NUDT4: variants seen among roughly 807,000 people sequenced by gnomAD.
NUDT4 encodes nudix hydrolase 4.
A neutral mutation model predicts 23.1 loss-of-function variants in NUDT4; 5 were observed. That is an observed-to-expected ratio of 0.22 (90% CI 0.11 to 0.46). NUDT4 has a LOEUF of 0.46. Ranked by LOEUF, NUDT4 falls within the 20% of genes least tolerant of loss-of-function variation. The probability of loss-of-function intolerance (pLI) is 0.99; values close to 1 mark genes in which losing one functional copy is unlikely to be tolerated. For missense variants in NUDT4, 96 were observed against 211.6 expected (o/e 0.45, Z 3.39); for synonymous variants, 50 against 79.0 (o/e 0.63, Z 1.95).
Position 93,402,416 on chromosome 12 carries a change from A to C in NUDT4, c.*3037A>C, listed in dbSNP as rs11558758. ...AGCGGAAACGTATACCTTTCAGTGC[A>C]TAGTGCATTGTGTGCTTACCCTGGG... On this transcript the variant is annotated 3_prime_UTR_variant, in exon 5 of 5. Transcript: ENST00000415493. 2.0e-5 allele frequency: 3 copies of C among 152,134 alleles called. No individual in the cohort carries two copies. The highest frequency in any genetic ancestry group is 4.4e-5 in the Non-Finnish European group (3 of 68,036). 9.4% of individuals were successfully genotyped at this position (152,134 alleles called of 1,614,324 possible). A position where few individuals can be genotyped will look rare whatever the true frequency, so the allele number is the denominator to read the frequency against.
intron 3 of NUDT4, among the ~76,000 whole-genome samples, chr12:93,398,359 AGAAAAGAAC>A (rs1347451851): frequency 4.3e-5 from 6 of 138,390 alleles, no homozygotes; most frequent in Admixed American, 1.4e-4. Flanking sequence ...AAAAAAAAAA[AGAAAAGAAC>A]ATCAGATATA....
At chr12:93,379,783 A>C (rs1442115963) in intron 1 of NUDT4, among the ~76,000 whole-genome samples, 1 of 152,238 alleles carries the variant, frequency 6.6e-6, no homozygotes, top group East Asian at 1.9e-4. Flanking sequence ...ACAAGCATTA[A>C]GTGTGTTCTG....
At chr12:93,384,079 C>T (rs1002132361) in intron 1 of NUDT4, among the ~76,000 whole-genome samples, 9 of 152,118 alleles carry the variant, frequency 5.9e-5, no homozygotes, top group African/African-American at 9.7e-5. Flanking sequence ...GGCATAAATG[C>T]ATTACATAGC....
intron 1 of NUDT4, among the ~76,000 whole-genome samples, chr12:93,379,537 C>T (rs531702150): frequency 1.4e-4 from 22 of 152,262 alleles, no homozygotes; most frequent in Non-Finnish European, 2.8e-4. Context: ...GTTATGTTAA[C>T]GAAAAGTTCT....
At position 93,378,266 on chromosome 12, in the gene NUDT4, G is replaced by C; in HGVS notation, c.-57G>C. On this transcript the variant is annotated 5_prime_UTR_variant, in exon 1 of 5. Coordinates refer to ENST00000415493, the MANE Select transcript of NUDT4 (RefSeq NM_019094.6). ...CCCACTCCCCGGCGGGGTGGCGGCGGCCGGGCCCCCACGGCGGCGGCCGGA... is the reference window on the plus strand; with the variant it reads ...CCCACTCCCCGGCGGGGTGGCGGCGCCCGGGCCCCCACGGCGGCGGCCGGA... 1.5e-6 allele frequency: 1 copy of C among 673,890 alleles called. No homozygotes were observed. The allele number at this position is 673,890 out of a possible 1,614,324, so 41.7% of individuals were successfully genotyped here.
chr12:93,384,361 G>A (rs1313503820), intron 1 of NUDT4, among the ~76,000 whole-genome samples: 7 of 152,036 alleles, frequency 4.6e-5, no homozygotes, highest in East Asian at 1.9e-4. Context: ...TAGAGACGGC[G>A]TTTCACTATG....
In NUDT4 at chr12:93,406,809, T is replaced by C. The variant is rs1027332964; in HGVS notation, c.*7430T>C. 4 of 152,196 alleles carry C rather than the reference T, an allele frequency of 2.6e-5. No individual in the cohort carries two copies. The highest frequency in any genetic ancestry group is 9.7e-5 in the African/African-American group (4 of 41,446). The allele number at this position is 152,196 out of a possible 1,614,324, so 9.4% of individuals were successfully genotyped here. A position where few individuals can be genotyped will look rare whatever the true frequency, so the allele number is the denominator to read the frequency against. On this transcript the variant is annotated 3_prime_UTR_variant, in exon 5 of 5. Coordinates refer to ENST00000415493, the MANE Select transcript of NUDT4 (RefSeq NM_019094.6). ...AGACTTGAGCATCTGCGAATTTGGA[T>C]ATCCAAAGGAAGTCCTAGAACCAGT...
intron 2 of NUDT4, 131 bp from the exon 3 acceptor site, chr12:93,395,358 A>C (rs1592726063): frequency 2.9e-6 from 2 of 693,898 alleles, no homozygotes; most frequent in East Asian, 5.5e-5. Flanking sequence ...AGAAGCAGGA[A>C]GATAGTGAGT....
chr12:93,395,879 C>T (rs1484097587), intron 3 of NUDT4, among the ~76,000 whole-genome samples: 1 of 152,176 alleles, frequency 6.6e-6, no homozygotes, highest in Non-Finnish European at 1.5e-5. Flanking sequence ...CGCCACCACG[C>T]CCAGCTAAGT....
In NUDT4 at chr12:93,387,755, A is replaced by G. The variant is rs1047932345; in HGVS notation, c.100-6854A>G. ...CAGGTGATCACAGGATGGCCTAGCT[A>G]TCACACTAGTTGGCCTTAAGTTAAA... On this transcript the variant is annotated intron_variant, in intron 1 of 4. Coordinates refer to ENST00000415493, the MANE Select transcript of NUDT4 (RefSeq NM_019094.6). Among the ~76,000 whole-genome samples the G allele has an allele frequency of 1.2e-4, 19 of 152,316 alleles. No individual in the cohort carries two copies. In the South Asian group the frequency reaches 2.3e-3, roughly 18 times the overall value.
Position 93,404,729 on chromosome 12 carries a change from T to TA in NUDT4, c.*5351dup, listed in dbSNP as rs1555195738. On this transcript the variant is annotated 3_prime_UTR_variant, in exon 5 of 5. Transcript: ENST00000415493. ...TGTATTGGCATACACTGAAAAAGCT[T>TA]AGTCACTTAAAATGAGGTTGTACAG... The TA allele has an allele frequency of 6.6e-6, 1 of 152,170 alleles. No homozygotes were observed. The highest frequency in any genetic ancestry group is 1.5e-5 in the Non-Finnish European group (1 of 68,038). 9.4% of individuals were successfully genotyped at this position (152,170 alleles called of 1,614,324 possible). A position where few individuals can be genotyped will look rare whatever the true frequency, so the allele number is the denominator to read the frequency against.
rs1377953637 is a variant in NUDT4 at position 93,406,348 on chromosome 12, C to CATTTCCTCG, written c.*6972_*6980dup. On this transcript the variant is annotated 3_prime_UTR_variant, in exon 5 of 5. Coordinates refer to ENST00000415493, the MANE Select transcript of NUDT4 (RefSeq NM_019094.6). ...ACAGAAAAATGAGGCCTATTCCTAT[C>CATTTCCTCG]ATTTCCTCGATCCAATTTAGTTCCA... 2 of 139,032 alleles carry CATTTCCTCG rather than the reference C, an allele frequency of 1.4e-5. No homozygotes were observed. Among genetic ancestry groups the CATTTCCTCG allele is most frequent in the Non-Finnish European group, 3.1e-5 (2 of 65,404 alleles). The allele number at this position is 139,032 out of a possible 1,614,324, so 8.6% of individuals were successfully genotyped here.
chr12:93,398,338 CAAAAAAAAAAA>C (rs34651915), intron 3 of NUDT4, among the ~76,000 whole-genome samples: 2 of 75,312 alleles, frequency 2.7e-5, no homozygotes, highest in Non-Finnish European at 4.9e-5. Context: ...CTCCCTGTCT[CAAAAAAAAAAA>C]AAAAAAAAAA....
intron 1 of NUDT4, among the ~76,000 whole-genome samples, chr12:93,382,539 T>C (rs1328816952): frequency 6.6e-6 from 1 of 152,208 alleles, no homozygotes; most frequent in Non-Finnish European, 1.5e-5. Flanking sequence ...AGCATTTTTA[T>C]ACTTAGAATC....
At chr12:93,383,965 T>C (rs1318234185) in intron 1 of NUDT4, among the ~76,000 whole-genome samples, 2 of 152,206 alleles carry the variant, frequency 1.3e-5, no homozygotes, top group African/African-American at 4.8e-5. Flanking sequence ...GTGGTATCTA[T>C]AGTGGTTGGA....
chr12:93,385,686 G>C (rs191362173), intron 1 of NUDT4, among the ~76,000 whole-genome samples: 1 of 152,068 alleles, frequency 6.6e-6, no homozygotes, highest in East Asian at 1.9e-4. Context: ...AGTGAGTGTT[G>C]AAGAATAATG....
intron 2 of NUDT4, among the ~76,000 whole-genome samples, chr12:93,394,949 A>G (rs558818942): frequency 1.1e-4 from 16 of 152,138 alleles, no homozygotes; most frequent in African/African-American, 3.9e-4. Flanking sequence ...CCCAGGTTCA[A>G]GTGATTCTCC....
chr12:93,393,912 A>G (rs1210704161), intron 1 of NUDT4, among the ~76,000 whole-genome samples: 1 of 152,352 alleles, frequency 6.6e-6, no homozygotes, highest in Non-Finnish European at 1.5e-5. Flanking sequence ...TAACCTACCT[A>G]TGGTCATTTC....
Position 93,408,129 on chromosome 12 carries a change from T to G in NUDT4, c.*8750T>G, listed in dbSNP as rs1017604502. The G allele has an allele frequency of 6.6e-6, 1 of 152,248 alleles. No individual in the cohort carries two copies. The highest frequency in any genetic ancestry group is 1.5e-5 in the Non-Finnish European group (1 of 68,040). 9.4% of individuals were successfully genotyped at this position (152,248 alleles called of 1,614,324 possible). On this transcript the variant is annotated 3_prime_UTR_variant, in exon 5 of 5. Coordinates refer to ENST00000415493, the MANE Select transcript of NUDT4 (RefSeq NM_019094.6). ...ATATTACGGGCAGTAAATGTTGATT[T>G]CTATTTCGTTTCTTGAAGTTTTGTG...
Sources: allele counts gnomAD v4.1 joint callset (sites outside exome capture counted in the v4.1 genomes callset), GRCh38; gene constraint gnomAD v4.1.1; transcripts MANE v1.5; gene names NCBI Gene and HGNC (gene_info 2026-07-23, HGNC 2026-07-21).